RPL19: variants seen among roughly 807,000 people sequenced by gnomAD.
RPL19 encodes the protein ribosomal protein L19, also known as large ribosomal subunit protein eL19.
In RPL19, 2 loss-of-function variants were observed where a neutral mutation model predicts 25.1. The ratio of observed to expected loss-of-function variants is 0.08; its 90% CI spans 0.03 to 0.25. The LOEUF (loss-of-function observed/expected upper bound fraction) is 0.25, where lower values mean the gene tolerates loss of function less well. Ranked by LOEUF, RPL19 falls within the 10% of genes least tolerant of loss-of-function variation. RPL19 has a pLI of 1.00. For synonymous variants in RPL19, 89 were observed against 91.2 expected (o/e 0.98, Z 0.14); for missense variants, 123 against 271.8 (o/e 0.45, Z 3.85).
At chr17:39,202,827 C>G (rs1202788569) in intron 3 of RPL19, 162 bp from the exon 4 acceptor site, 4 of 745,322 alleles carry the variant, frequency 5.4e-6, no homozygotes, top group Admixed American at 5.6e-5. Flanking sequence ...AAAGAACTTA[C>G]GTAGTTGGGA....
At chr17:39,204,346 C>T (rs1285058201) in intron 5 of RPL19, among the ~76,000 whole-genome samples, 159 bp downstream of exon 5, 1 of 152,208 alleles carries the variant, frequency 6.6e-6, no homozygotes, top group Non-Finnish European at 1.5e-5. Flanking sequence ...GTCCTGTACA[C>T]ACCCACTCTT....
At position 39,202,395 on chromosome 17, in the gene RPL19, G is replaced by A. The variant is rs763112557; in HGVS notation, c.191G>A (p.Arg64Gln). The change falls in exon 3 of 6, where the codon CGG becomes CAG. Residue 64 changes from arginine (R) to glutamine (Q), a missense_variant. By Grantham distance (43) the Arg-to-Gln change is conservative (BLOSUM62 1). Coordinates refer to ENST00000225430, the MANE Select transcript of RPL19 (RefSeq NM_000981.4). ...PVTVHSRARCRKNTLARRKGR... is the reference protein window; with the variant it reads ...PVTVHSRARCQKNTLARRKGR... ...ACGGTCCATTCCCGGGCTCGATGCC[G>A]GAAAAACACCTTGGCCCGCCGGAAG... The A allele has an allele frequency of 2.4e-5, 39 of 1,614,076 alleles. No homozygotes were observed. In the South Asian group the frequency reaches 3.0e-4, roughly 12 times the overall value.
intron 3 of RPL19, 123 bp from the exon 4 acceptor site, chr17:39,202,866 A>G: frequency 1.9e-6 from 2 of 1,060,368 alleles, no homozygotes; most frequent in East Asian, 2.4e-5. Context: ...AAGTAATGCT[A>G]CTTAAAATGA....
chr17:39,201,372 C>A, intron 2 of RPL19, 53 bp downstream of exon 2: 8 of 1,012,706 alleles, frequency 7.9e-6, no homozygotes, highest in South Asian at 1.3e-5. Flanking sequence ...TCTCCTGCGT[C>A]AGATTAATGA....
chr17:39,202,796 TC>T, intron 3 of RPL19, 192 bp from the exon 4 acceptor site: 1 of 647,924 alleles, frequency 1.5e-6, no homozygotes, highest in Non-Finnish European at 2.6e-6. Flanking sequence ...TATTTGTGCT[TC>T]CTTTAAAATT....
At chr17:39,203,975 A>G in intron 4 of RPL19, 102 bp from the exon 5 acceptor site, 1 of 676,572 alleles carries the variant, frequency 1.5e-6, no homozygotes, top group Non-Finnish European at 2.7e-6. Context: ...AGGAGAAAAG[A>G]AAGGAAGCTA....
chr17:39,204,313 C>G (rs2046310006), intron 5 of RPL19, 126 bp downstream of exon 5: 8 of 816,012 alleles, frequency 9.8e-6, no homozygotes, highest in Non-Finnish European at 2.1e-6. Context: ...TACAGCTGTT[C>G]CCTTAGAGGC....
At chr17:39,202,275 T>C (rs756577589) in intron 2 of RPL19, 42 bp from the exon 3 acceptor site, 18 of 1,611,684 alleles carry the variant, frequency 1.1e-5, no homozygotes, top group Non-Finnish European at 1.5e-5. Context: ...TGTGATGTGC[T>C]TGGGCCCCAG....
chr17:39,203,568 T>C (rs925514928), intron 4 of RPL19, among the ~76,000 whole-genome samples: 1 of 151,520 alleles, frequency 6.6e-6, no homozygotes, highest in African/African-American at 2.4e-5. Context: ...TGGAATGCAG[T>C]GGCACGATCT....
At chr17:39,201,158 TC>T (rs1383150419) in intron 1 of RPL19, 54 bp from the exon 2 acceptor site, 3 of 1,206,470 alleles carry the variant, frequency 2.5e-6, no homozygotes, top group Non-Finnish European at 3.7e-6. Context: ...ATGGGGACGT[TC>T]ATTCTTGCCC....
Position 39,204,670 on chromosome 17 carries a change from A to G in RPL19, c.*22A>G, listed in dbSNP as rs770620036. The G allele has an allele frequency of 1.9e-6, 3 of 1,608,830 alleles. No homozygotes were observed. The highest frequency in any genetic ancestry group is 2.5e-6 in the Non-Finnish European group (3 of 1,176,790). ...ATAAAACCTCCCACTTTGTCTGTAC[A>G]TACTGGCCTCTGTGATTACATAGAT... is the stretch of plus-strand genomic sequence containing the variant. On this transcript the variant is annotated 3_prime_UTR_variant, in exon 6 of 6. Coordinates refer to ENST00000225430, the MANE Select transcript of RPL19 (RefSeq NM_000981.4).
At chr17:39,201,440 G>A in intron 2 of RPL19, 121 bp downstream of exon 2, 1 of 649,894 alleles carries the variant, frequency 1.5e-6, no homozygotes, top group Non-Finnish European at 2.7e-6. Context: ...CTGTTGTCCA[G>A]GCTGGAGTGT....
At chr17:39,202,615 A>ACCTCC in intron 3 of RPL19, 176 bp downstream of exon 3, 3 of 756,712 alleles carry the variant, frequency 4.0e-6, no homozygotes, top group Non-Finnish European at 6.4e-6. Flanking sequence ...AATTGAGAGT[A>ACCTCC]TCCCTGGTAG....
chr17:39,204,046 C>G (rs1197499747), intron 4 of RPL19, 31 bp from the exon 5 acceptor site: 5 of 1,280,466 alleles, frequency 3.9e-6, no homozygotes, highest in Non-Finnish European at 5.7e-6. Context: ...CCATCACCAA[C>G]CAGCATCTCT....
At position 39,204,650 on chromosome 17, in the gene RPL19, A is replaced by G; in HGVS notation, c.*2A>G. 1 of 1,613,190 alleles carries G rather than the reference A, an allele frequency of 6.2e-7. No homozygotes were observed. Among genetic ancestry groups the G allele is most frequent in the Non-Finnish European group, 8.5e-7 (1 of 1,179,726 alleles). On this transcript the variant is annotated 3_prime_UTR_variant, in exon 6 of 6. Transcript: ENST00000225430. ...AAGGAGGAAGAGACCAAGAAATAAAACCTCCCACTTTGTCTGTACATACTG... is the reference window on the plus strand; with the variant it reads ...AAGGAGGAAGAGACCAAGAAATAAAGCCTCCCACTTTGTCTGTACATACTG...
chr17:39,201,400 C>CTTTTTT, intron 2 of RPL19, 81 bp downstream of exon 2: 3 of 619,360 alleles, frequency 4.8e-6, no homozygotes, highest in Non-Finnish European at 8.1e-6. Context: ...ATTGTGTTGA[C>CTTTTTT]TTTTTTTTTT....
At chr17:39,202,492 G>C (rs1326438230) in intron 3 of RPL19, 53 bp downstream of exon 3, 1 of 1,601,656 alleles carries the variant, frequency 6.2e-7, no homozygotes, top group Admixed American at 1.7e-5. Context: ...CATCTATGCT[G>C]AAATATATTC....
At chr17:39,200,405 G>A in intron 1 of RPL19, 56 bp downstream of exon 1, 1 of 1,490,432 alleles carries the variant, frequency 6.7e-7, no homozygotes, top group Non-Finnish European at 9.0e-7. Context: ...GGGACTGTCG[G>A]TCTTGGGACC....
At chr17:39,202,293 A>AC in intron 2 of RPL19, 24 bp from the exon 3 acceptor site, 1 of 1,612,516 alleles carries the variant, frequency 6.2e-7, no homozygotes, top group South Asian at 1.1e-5. Context: ...CAGTTGACTG[A>AC]CCAGGTGCAT....
Sources: allele counts gnomAD v4.1 joint callset (sites outside exome capture counted in the v4.1 genomes callset), GRCh38; gene constraint gnomAD v4.1.1; transcripts MANE v1.5; gene names NCBI Gene and HGNC (gene_info 2026-07-23, HGNC 2026-07-21).